ZFHX4: variants seen among roughly 807,000 people sequenced by gnomAD.
ZFHX4 encodes zinc finger homeobox 4.
ZFHX4 carries 56 observed loss-of-function variants against 267.6 expected under a neutral mutation model. The observed-to-expected ratio is 0.21, with a 90% CI of 0.17 to 0.26. The LOEUF (loss-of-function observed/expected upper bound fraction) is 0.26, where lower values mean the gene tolerates loss of function less well. Ranked by LOEUF, ZFHX4 falls within the 10% of genes least tolerant of loss-of-function variation. The pLI is 1.00. For synonymous variants in ZFHX4, 1,778 were observed against 1,665.6 expected (o/e 1.07, Z -1.64); for missense variants, 4,332 against 4,420.0 (o/e 0.98, Z 0.56).
At chr8:76,744,797 A>G (rs907614059) in intron 3 of ZFHX4, among the ~76,000 whole-genome samples, 1 of 152,210 alleles carries the variant, frequency 6.6e-6, no homozygotes, top group African/African-American at 2.4e-5. Flanking sequence ...ACTTACAAGT[A>G]TGTAGTCATC....
chr8:76,720,529 A>G (rs928042557), intron 3 of ZFHX4, among the ~76,000 whole-genome samples: 10 of 152,190 alleles, frequency 6.6e-5, no homozygotes, highest in Non-Finnish European at 1.5e-4. Context: ...GGGTATATAC[A>G]TAGCAGTGAA....
chr8:76,717,786 G>A lies in ZFHX4; in HGVS notation c.3093+9738G>A, dbSNP rs373017645. On this transcript the variant is annotated intron_variant, in intron 3 of 10. Coordinates refer to ENST00000651372, the MANE Select transcript of ZFHX4 (RefSeq NM_024721.5). ...TAATTTTTGTATTTTTTTGAGAAACGAGGTTTCGCTATGTTGCCCAGGCAG... is the reference window on the plus strand; with the variant it reads ...TAATTTTTGTATTTTTTTGAGAAACAAGGTTTCGCTATGTTGCCCAGGCAG... Among the ~76,000 whole-genome samples the A allele has an allele frequency of 1.5e-4, 23 of 152,000 alleles. No homozygotes were observed. The East Asian group carries it at 2.3e-3, about 15-fold the overall frequency.
chr8:76,696,828 T>C (rs1807971337), intron 1 of ZFHX4, among the ~76,000 whole-genome samples: 2 of 152,096 alleles, frequency 1.3e-5, no homozygotes, highest in South Asian at 4.1e-4. Flanking sequence ...ATTTAAAATA[T>C]TTACATGGAA....
chr8:76,777,885 GT>G (rs200762181), intron 3 of ZFHX4, among the ~76,000 whole-genome samples: 3,527 of 131,414 alleles, frequency 0.027, 119 homozygotes, highest in African/African-American at 0.086. Context: ...TTTGTTTTTT[GT>G]TTTTTTTTTT....
At chr8:76,721,885 A>T (rs562294868) in intron 3 of ZFHX4, among the ~76,000 whole-genome samples, 1 of 152,130 alleles carries the variant, frequency 6.6e-6, no homozygotes, top group Non-Finnish European at 1.5e-5. Context: ...TGTTTTCATA[A>T]TAGTAAGTGT....
chr8:76,775,679 C>T (rs1810382608), intron 3 of ZFHX4, among the ~76,000 whole-genome samples: 1 of 152,144 alleles, frequency 6.6e-6, no homozygotes, highest in Non-Finnish European at 1.5e-5. Flanking sequence ...GGCTTCCTGG[C>T]ACTTCCTCTG....
intron 1 of ZFHX4, among the ~76,000 whole-genome samples, chr8:76,686,983 G>A (rs896255838): frequency 2.0e-5 from 3 of 152,168 alleles, no homozygotes; most frequent in African/African-American, 7.2e-5. Flanking sequence ...ACTTGGCCAA[G>A]GTTCAAACTG....
intron 4 of ZFHX4, among the ~76,000 whole-genome samples, chr8:76,814,704 T>A (rs1811459274): frequency 6.6e-6 from 1 of 152,150 alleles, no homozygotes; most frequent in African/African-American, 2.4e-5. Flanking sequence ...AATCTTACCA[T>A]GTATTCAGGT....
intron 3 of ZFHX4, among the ~76,000 whole-genome samples, chr8:76,733,027 G>T (rs1180136097): frequency 6.6e-6 from 1 of 152,048 alleles, no homozygotes; most frequent in East Asian, 1.9e-4. Context: ...GAGAGGCCTG[G>T]AATCATATAT....
At chr8:76,755,901 TTCTC>T (rs1392078188) in intron 3 of ZFHX4, among the ~76,000 whole-genome samples, 1 of 152,150 alleles carries the variant, frequency 6.6e-6, no homozygotes, top group East Asian at 1.9e-4. Flanking sequence ...GGTCATTCTC[TTCTC>T]TCTGTCACTG....
chr8:76,819,414 A>T (rs951989294), intron 4 of ZFHX4, among the ~76,000 whole-genome samples: 22 of 152,166 alleles, frequency 1.4e-4, no homozygotes, highest in Non-Finnish European at 1.3e-4. Context: ...AACTTCCGTA[A>T]TGGGACTATC....
At position 76,855,103 on chromosome 8, in the gene ZFHX4, A is replaced by G. The variant is rs769079771; in HGVS notation, c.8182A>G (p.Ile2728Val). Residue 2728 changes from isoleucine (I) to valine (V), a missense_variant, in exon 10 of 11, where the codon ATC (isoleucine) becomes GTC (valine). Physicochemically the swap from Ile to Val is conservative, Grantham distance 29. Transcript: ENST00000651372. ...EDGGESPQKY[I>V]YFDYPSLPLT... ...TGGGGGAGAAAGCCCACAGAAATAC[A>G]TCTATTTTGATTACCCATCTTTGCC... is the stretch of plus-strand genomic sequence containing the variant. 2.5e-6 allele frequency: 4 copies of G among 1,613,828 alleles called. 1 individual carries two copies. Among genetic ancestry groups the G allele is most frequent in the Admixed American group, 3.3e-5 (2 of 60,018 alleles).
At chr8:76,802,697 C>T (rs1334440842) in intron 4 of ZFHX4, among the ~76,000 whole-genome samples, 3 of 152,048 alleles carry the variant, frequency 2.0e-5, no homozygotes, top group African/African-American at 4.8e-5. Context: ...GAATGGTTAC[C>T]GAGTGCATCA....
At position 76,853,234 on chromosome 8, in the gene ZFHX4, C is replaced by G. The variant is rs770088878; in HGVS notation, c.6313C>G (p.Leu2105Val). The G allele has an allele frequency of 1.3e-6, 2 of 1,576,666 alleles. No individual in the cohort carries two copies. Among genetic ancestry groups the G allele is most frequent in the South Asian group, 1.2e-5 (1 of 86,502 alleles). Reference protein sequence around the residue: ...LALQLPQMDALSADLTQLCQQ... With the variant: ...LALQLPQMDAVSADLTQLCQQ... ...CCTGCAGCTGCCACAGATGGACGCA[C>G]TCTCTGCAGACCTCACCCAACTTTG... is the stretch of plus-strand genomic sequence containing the variant. The change falls in exon 10 of 11, where the codon CTC becomes GTC. Residue 2105 changes from leucine to valine, a missense_variant. Leu to Val is a conservative substitution (Grantham distance 32). This residue lies in a region of ZFHX4 where 1,371 missense variants were observed against 1,423.1 expected (regional missense o/e 0.96). Transcript: ENST00000651372.
chr8:76,736,346 T>C lies in ZFHX4; in HGVS notation c.3093+28298T>C, dbSNP rs11996616. Among the ~76,000 whole-genome samples the C allele has an allele frequency of 2.7e-3, 407 of 152,238 alleles. 1 individual carries two copies. The highest frequency in any genetic ancestry group is 9.4e-3 in the African/African-American group (392 of 41,570). ...AATCAGTAAATTGAATTTTTATTAA[T>C]AAAATTAGTTAGTGTATTTCTGACC... On this transcript the variant is annotated intron_variant, in intron 3 of 10. Transcript: ENST00000651372.
At chr8:76,761,260 T>G (rs937019524) in intron 3 of ZFHX4, among the ~76,000 whole-genome samples, 1 of 152,238 alleles carries the variant, frequency 6.6e-6, no homozygotes, top group Non-Finnish European at 1.5e-5. Context: ...CTGTTTTTGT[T>G]TGGTAGTTTA....
In ZFHX4 at chr8:76,866,213, A is replaced by G. The variant is rs1321838967; in HGVS notation, c.*1648A>G. On this transcript the variant is annotated 3_prime_UTR_variant, in exon 11 of 11. Transcript: ENST00000651372. ...ATTTGTAGTTGGCTGTGCATGGTAC[A>G]AATTTATTAATATGAAGAAATGCAA... 2 of 152,650 alleles carry G rather than the reference A, an allele frequency of 1.3e-5. No individual in the cohort carries two copies. Among genetic ancestry groups the G allele is most frequent in the Admixed American group, 1.3e-4 (2 of 15,266 alleles). The allele number at this position is 152,650 out of a possible 1,614,324, so 9.5% of individuals were successfully genotyped here.
rs74647042 is a variant in ZFHX4 at position 76,725,896 on chromosome 8, A to G, written c.3093+17848A>G. The stretch of plus-strand genomic sequence containing the variant: ...GTTAGCAAGGACATTTCGAAGTCAT[A>G]ATCTGTTAATACCAGTTAGCAGTGT... On this transcript the variant is annotated intron_variant, in intron 3 of 10. Coordinates refer to ENST00000651372, the MANE Select transcript of ZFHX4 (RefSeq NM_024721.5). Among the ~76,000 whole-genome samples the G allele has an allele frequency of 1.5e-4, 23 of 152,278 alleles. No individual in the cohort carries two copies. The East Asian group carries it at 4.4e-3, about 29-fold the overall frequency.
At chr8:76,797,886 A>ATG (rs10694486) in intron 4 of ZFHX4, among the ~76,000 whole-genome samples, 23,986 of 140,116 alleles carry the variant, frequency 0.17, 2,293 homozygotes, top group East Asian at 0.39. Flanking sequence ...GTGTGTCTGT[A>ATG]TGTGTGTGTG....
Sources: allele counts gnomAD v4.1 joint callset (sites outside exome capture counted in the v4.1 genomes callset), GRCh38; gene constraint gnomAD v4.1.1; regional missense constraint gnomAD v4.1.1; transcripts MANE v1.5; gene names NCBI Gene and HGNC (gene_info 2026-07-23, HGNC 2026-07-21).